The following ZNF69 variants were observed in gnomAD, a reference collection of about 807,000 sequenced individuals.
ZNF69 encodes the protein ZNF3.
ZNF69 carries 47 observed loss-of-function variants against 50.9 expected under a neutral mutation model. That is an observed-to-expected ratio of 0.92 (90% confidence interval 0.73 to 1.18). The LOEUF (loss-of-function observed/expected upper bound fraction) is 1.18, where lower values mean the gene tolerates loss of function less well. Ranked by LOEUF, ZNF69 falls within the 50% of genes most tolerant of loss-of-function variation. The pLI, the probability that ZNF69 is intolerant of heterozygous loss-of-function variation, is 0.00. For missense variants in ZNF69, 717 were observed against 675.1 expected (o/e 1.06, Z -0.69); for synonymous variants, 216 against 223.1 (o/e 0.97, Z 0.29).
the ZNF69 span, chr19:11,980,165 A>T: frequency 1.6e-6 from 1 of 643,040 alleles, no homozygotes. Flanking sequence ...GAATCACCTG[A>T]GGTCAGGAGT....
At chr19:11,979,344 G>A in the ZNF69 span, 1 of 1,608,376 alleles carries the variant, frequency 6.2e-7, no homozygotes, top group East Asian at 2.2e-5. Flanking sequence ...GGACTCACTG[G>A]AGAGAAACCC....
At position 11,905,027 on chromosome 19, in the gene ZNF69, C is replaced by T. The variant is rs532482622; in HGVS notation, c.630C>T (p.His210=). 5.1e-5 allele frequency: 82 copies of T among 1,614,142 alleles called. No homozygotes were observed. The South Asian group carries it at 5.5e-4, about 11-fold the overall frequency. Residue 210 remains histidine (H), a synonymous_variant, in exon 4 of 4, where the codon CAC becomes CAT. Transcript: ENST00000429654. The part of the protein sequence containing the change: ...TFISHSSIQR[H]VVMHSGDGPY... The stretch of plus-strand genomic sequence containing the variant: ...TTTCCCATTCAAGCATTCAAAGACA[C>T]GTGGTAATGCACAGTGGGGATGGAC...
chr19:11,919,828 C>A, the ZNF69 span, among the ~76,000 whole-genome samples: 1 of 152,062 alleles, frequency 6.6e-6, no homozygotes, highest in Admixed American at 6.6e-5. Context: ...GTTGGACTCC[C>A]GAAGCTCCAG....
the ZNF69 span, chr19:11,948,918 A>G: frequency 6.2e-7 from 1 of 1,606,848 alleles, no homozygotes; most frequent in Middle Eastern, 1.7e-4. Flanking sequence ...GACATGAAAG[A>G]AGTCACATGG....
chr19:11,913,691 A>G, exon 5 of ZNF69: 1 of 237,920 alleles, frequency 4.2e-6, no homozygotes, highest in Non-Finnish European at 8.0e-6. Context: ...GCCCAGCCGC[A>G]ACCCTAATTT....
chr19:11,965,417 T>A, the ZNF69 span, among the ~76,000 whole-genome samples: 14 of 152,200 alleles, frequency 9.2e-5, no homozygotes, highest in Admixed American at 9.2e-4. Context: ...GTCCTGTCCC[T>A]GCGCGGTGAC....
the ZNF69 span, chr19:11,976,913 AG>A: frequency 6.5e-7 from 1 of 1,536,330 alleles, no homozygotes; most frequent in Non-Finnish European, 8.7e-7. Context: ...AAAGCGAGAA[AG>A]GGATGTGATG....
At chr19:11,890,961 G>GA (rs771759618) in intron 1 of ZNF69, among the ~76,000 whole-genome samples, 44 of 151,388 alleles carry the variant, frequency 2.9e-4, no homozygotes, top group Admixed American at 6.6e-4. Context: ...GCCCATTCAG[G>GA]AAAAAAAACA....
intron 1 of ZNF69, among the ~76,000 whole-genome samples, chr19:11,899,955 C>CT (rs981703650): frequency 3.3e-5 from 5 of 151,168 alleles, no homozygotes; most frequent in African/African-American, 7.3e-5. Context: ...TTTTGTTTTC[C>CT]TTTTTTTTTC....
chr19:11,972,054 C>T, the ZNF69 span, among the ~76,000 whole-genome samples: 1 of 149,350 alleles, frequency 6.7e-6, no homozygotes, highest in African/African-American at 2.5e-5. Context: ...AAGAGCAAAA[C>T]TTTGTCTCAA....
At chr19:11,960,154 C>T in the ZNF69 span, among the ~76,000 whole-genome samples, 3 of 151,570 alleles carry the variant, frequency 2.0e-5, no homozygotes, top group African/African-American at 4.8e-5. Context: ...CGTGCCTTAG[C>T]GTCCCGGGGC....
chr19:11,937,202 G>A, the ZNF69 span, among the ~76,000 whole-genome samples: 1 of 152,180 alleles, frequency 6.6e-6, no homozygotes, highest in South Asian at 2.1e-4. Context: ...TAGAAGTTGT[G>A]AGTTTTGCAT....
At chr19:11,916,554 G>A (rs1972524111), downstream of ZNF69, among the ~76,000 whole-genome samples, 1 of 152,220 alleles carries the variant, frequency 6.6e-6, no homozygotes, top group African/African-American at 2.4e-5. Context: ...GGCGGAGGTT[G>A]CAGTGAGCCA....
chr19:11,906,878 C>G (rs1408161284), downstream of ZNF69, among the ~76,000 whole-genome samples: 2 of 152,264 alleles, frequency 1.3e-5, no homozygotes, highest in East Asian at 3.9e-4. Flanking sequence ...CAAACTTCTC[C>G]AAGCTAAAGG....
the ZNF69 span, among the ~76,000 whole-genome samples, chr19:11,942,292 A>T: frequency 2.6e-5 from 4 of 151,574 alleles, no homozygotes; most frequent in African/African-American, 9.7e-5. Flanking sequence ...GTCATCAAAG[A>T]TTACACTTTG....
At chr19:11,941,203 C>T in the ZNF69 span, among the ~76,000 whole-genome samples, 1 of 152,244 alleles carries the variant, frequency 6.6e-6, no homozygotes, top group Non-Finnish European at 1.5e-5. Flanking sequence ...CTCCACGTCC[C>T]CACCAGACTC....
At chr19:11,950,669 GATA>G in the ZNF69 span, 1 of 283,538 alleles carries the variant, frequency 3.5e-6, no homozygotes, top group Admixed American at 4.6e-5. Context: ...TTTGAATACA[GATA>G]ATTAATGTAA....
At chr19:11,888,524 C>G (rs556542150) in intron 1 of ZNF69, among the ~76,000 whole-genome samples, 27 of 152,320 alleles carry the variant, frequency 1.8e-4, no homozygotes, top group African/African-American at 5.1e-4. Flanking sequence ...TAGGAGAGAC[C>G]TTGGCCGAGG....
At chr19:11,933,827 G>A in the ZNF69 span, among the ~76,000 whole-genome samples, 25 of 143,854 alleles carry the variant, frequency 1.7e-4, 1 homozygote, top group African/African-American at 6.6e-4. Flanking sequence ...CCTGGGTGAC[G>A]GAGCAAGACT....
Sources: gnomAD v4.1 joint callset for allele counts (sites outside exome capture counted in the v4.1 genomes callset) on GRCh38, gnomAD v4.1.1 for gene constraint, MANE v1.5 for transcripts, NCBI Gene and HGNC (gene_info 2026-07-23, HGNC 2026-07-21) for gene names.